ADAMTSL1: variants seen among roughly 807,000 people sequenced by gnomAD.
ADAMTSL1 encodes ADAMTS-like protein 1.
In ADAMTSL1, 126 loss-of-function variants were observed where a neutral mutation model predicts 201.8. The ratio of observed to expected loss-of-function variants is 0.62; its 90% CI spans 0.54 to 0.72. The LOEUF (loss-of-function observed/expected upper bound fraction) is 0.72. ADAMTSL1 is among the 30% of genes least tolerant of loss of function. ADAMTSL1 has a pLI of 0.00. For synonymous variants in ADAMTSL1, 1,121 were observed against 903.4 expected (o/e 1.24, Z -4.32); for missense variants, 2,679 against 2,277.8 (o/e 1.18, Z -3.59).
In ADAMTSL1 at chr9:18,910,330, T is replaced by A. The variant is rs1259795868; in HGVS notation, c.*1782T>A. 6.6e-6 allele frequency: 1 copy of A among 152,204 alleles called. No homozygotes were observed. The highest frequency in any genetic ancestry group is 1.5e-5 in the Non-Finnish European group (1 of 68,044). The allele number at this position is 152,204 out of a possible 1,614,324, so 9.4% of individuals were successfully genotyped here. On this transcript the variant is annotated 3_prime_UTR_variant, in exon 29 of 29. Coordinates refer to ENST00000380548, the MANE Select transcript of ADAMTSL1 (RefSeq NM_001040272.6). ...ATCTTTTGTGAATATTTATTAGGATTTCTTATTAAAAAAGTGCAATATTAA... is the reference window on the plus strand; with the variant it reads ...ATCTTTTGTGAATATTTATTAGGATATCTTATTAAAAAAGTGCAATATTAA...
intron 1 of ADAMTSL1, among the ~76,000 whole-genome samples, chr9:18,041,309 T>C (rs976043675): frequency 1.3e-5 from 2 of 152,222 alleles, no homozygotes; most frequent in African/African-American, 4.8e-5. Flanking sequence ...GAACTATTAA[T>C]GTGTTAGTTG....
intron 1 of ADAMTSL1, among the ~76,000 whole-genome samples, chr9:17,975,114 G>A (rs1032116485): frequency 2.0e-5 from 3 of 151,880 alleles, no homozygotes; most frequent in African/African-American, 7.3e-5. Context: ...ACAGAAAGTC[G>A]TGATGTCAAG....
At chr9:18,677,504 A>C (rs1430458924) in intron 10 of ADAMTSL1, among the ~76,000 whole-genome samples, 1 of 152,106 alleles carries the variant, frequency 6.6e-6, no homozygotes, top group East Asian at 1.9e-4. Flanking sequence ...TGAAAGCCAT[A>C]CATTTCATTA....
intron 12 of ADAMTSL1, among the ~76,000 whole-genome samples, chr9:18,682,992 A>G (rs577954092): frequency 6.6e-6 from 1 of 152,346 alleles, no homozygotes; most frequent in African/African-American, 2.4e-5. Context: ...AGGGTGGTTA[A>G]CCTAGTGCCT....
At chr9:17,935,393 A>G (rs1250372352) in intron 1 of ADAMTSL1, among the ~76,000 whole-genome samples, 1 of 152,160 alleles carries the variant, frequency 6.6e-6, no homozygotes, top group African/African-American at 2.4e-5. Context: ...TTGAAATACT[A>G]TTTAGACTGA....
chr9:18,754,244 T>C (rs1443124847), intron 16 of ADAMTSL1, among the ~76,000 whole-genome samples: 1 of 152,260 alleles, frequency 6.6e-6, no homozygotes, highest in African/African-American at 2.4e-5. Context: ...AAATTTCTGA[T>C]CCTGCACCAG....
intron 26 of ADAMTSL1, among the ~76,000 whole-genome samples, chr9:18,904,282 A>T (rs923822811): frequency 6.6e-6 from 1 of 152,156 alleles, no homozygotes; most frequent in Non-Finnish European, 1.5e-5. Flanking sequence ...CAGCCTGACC[A>T]ACATGGCGAA....
chr9:18,241,402 A>T (rs1483464887), intron 2 of ADAMTSL1, among the ~76,000 whole-genome samples: 1 of 152,020 alleles, frequency 6.6e-6, no homozygotes, highest in East Asian at 1.9e-4. Flanking sequence ...CACTTTCTTA[A>T]GCTTCCTAGT....
At chr9:18,210,959 T>C (rs1829848764) in intron 2 of ADAMTSL1, among the ~76,000 whole-genome samples, 1 of 150,704 alleles carries the variant, frequency 6.6e-6, no homozygotes, top group Non-Finnish European at 1.5e-5. Context: ...CACATTGTGA[T>C]AAGTTCTATT....
At chr9:18,203,746 G>A (rs148705407) in intron 2 of ADAMTSL1, among the ~76,000 whole-genome samples, 63 of 152,240 alleles carry the variant, frequency 4.1e-4, no homozygotes, top group South Asian at 1.2e-3. Context: ...TGGAGGGAGT[G>A]AGAAATGAAG....
intron 2 of ADAMTSL1, among the ~76,000 whole-genome samples, chr9:18,433,638 C>T (rs1226349868): frequency 6.6e-6 from 1 of 152,044 alleles, no homozygotes; most frequent in African/African-American, 2.4e-5. Flanking sequence ...GAAAAGGAAA[C>T]CATGATTTTA....
chr9:18,037,502 A>G (rs1821250662), intron 1 of ADAMTSL1, among the ~76,000 whole-genome samples: 1 of 152,130 alleles, frequency 6.6e-6, no homozygotes, highest in African/African-American at 2.4e-5. Flanking sequence ...CCCTTTTTCT[A>G]AAATACACTT....
At chr9:18,016,173 G>C (rs931923280) in intron 1 of ADAMTSL1, among the ~76,000 whole-genome samples, 4 of 151,996 alleles carry the variant, frequency 2.6e-5, no homozygotes, top group African/African-American at 9.7e-5. Flanking sequence ...CACTCTAATG[G>C]CTGCCTTTTC....
intron 1 of ADAMTSL1, among the ~76,000 whole-genome samples, chr9:17,992,052 C>T (rs1376878780): frequency 1.3e-5 from 2 of 152,152 alleles, no homozygotes; most frequent in Non-Finnish European, 2.9e-5. Flanking sequence ...TGCCATCCCA[C>T]CTACCTGATG....
At chr9:18,430,797 T>G (rs930737854) in intron 2 of ADAMTSL1, among the ~76,000 whole-genome samples, 1 of 152,148 alleles carries the variant, frequency 6.6e-6, no homozygotes, top group Non-Finnish European at 1.5e-5. Context: ...TGAAGGAGAT[T>G]GAATGAGAGG....
chr9:18,565,362 A>C (rs1164376203), intron 3 of ADAMTSL1, among the ~76,000 whole-genome samples: 1 of 152,200 alleles, frequency 6.6e-6, no homozygotes, highest in Non-Finnish European at 1.5e-5. Context: ...GATCTATTGT[A>C]AGGTATTAAG....
intron 13 of ADAMTSL1, among the ~76,000 whole-genome samples, chr9:18,694,536 G>A (rs542956): frequency 0.83 from 125,825 of 152,124 alleles, 52,533 homozygotes; most frequent in Admixed American, 0.9. Context: ...TACAGACCCC[G>A]TGCAAGTCAG....
intron 1 of ADAMTSL1, among the ~76,000 whole-genome samples, chr9:18,490,786 G>A (rs928612493): frequency 3.3e-5 from 5 of 152,186 alleles, no homozygotes; most frequent in Non-Finnish European, 5.9e-5. Flanking sequence ...ATAGGATGTG[G>A]TGAATTACAG....
At chr9:18,432,706 A>C (rs1819550743) in intron 2 of ADAMTSL1, among the ~76,000 whole-genome samples, 1 of 152,194 alleles carries the variant, frequency 6.6e-6, no homozygotes, top group African/African-American at 2.4e-5. Context: ...CTTTGTTTGA[A>C]AAACGGGAAT....
Sources: allele counts gnomAD v4.1 joint callset (sites outside exome capture counted in the v4.1 genomes callset), GRCh38; gene constraint gnomAD v4.1.1; transcripts MANE v1.5; gene names NCBI Gene and HGNC (gene_info 2026-07-23, HGNC 2026-07-21).